The following EYA4 variants were observed in gnomAD, a reference collection of about 807,000 sequenced individuals.
EYA4 encodes the protein protein phosphatase EYA4.
A neutral mutation model predicts 87.9 loss-of-function variants in EYA4; 31 were observed. The ratio of observed to expected loss-of-function variants is 0.35; its 90% CI spans 0.27 to 0.48. The LOEUF is 0.48. EYA4 is among the 20% of genes least tolerant of loss of function. The pLI is 0.99. For synonymous variants in EYA4, 263 were observed against 270.6 expected, an observed-to-expected ratio of 0.97 and a Z score of 0.28; for missense variants, 678 against 761.4, an observed-to-expected ratio of 0.89 and a Z score of 1.29.
intron 19 of EYA4, among the ~76,000 whole-genome samples, chr6:133,526,434 TAAGAGA>T (rs66840542): frequency 0.17 from 25,519 of 152,026 alleles, 2,750 homozygotes; most frequent in South Asian, 0.3. Flanking sequence ...TTTATGGCTA[TAAGAGA>T]AAGAGAAAGG....
Position 133,528,831 on chromosome 6 carries a change from T to G in EYA4, c.*26T>G, listed in dbSNP as rs750777633. ...CTGTGTTCTTTAGCCGGAGATCCAT[T>G]TTTTATATTTCAAGTACACTGAATT... On this transcript the variant is annotated 3_prime_UTR_variant, in exon 20 of 20. Coordinates refer to ENST00000355286, the MANE Select transcript of EYA4 (RefSeq NM_004100.5). The G allele has an allele frequency of 1.9e-6, 3 of 1,612,582 alleles. No individual in the cohort carries two copies. Among genetic ancestry groups the G allele is most frequent in the Non-Finnish European group, 2.5e-6 (3 of 1,178,894 alleles).
intron 3 of EYA4, among the ~76,000 whole-genome samples, chr6:133,426,950 A>G (rs1005434172): frequency 2.6e-5 from 4 of 152,056 alleles, no homozygotes; most frequent in Non-Finnish European, 5.9e-5. Context: ...CAATGTACAT[A>G]TTTTCTCTCT....
chr6:133,413,780 G>T (rs1789459493), intron 3 of EYA4, among the ~76,000 whole-genome samples: 1 of 152,108 alleles, frequency 6.6e-6, no homozygotes, highest in East Asian at 1.9e-4. Context: ...CCTGCTGACT[G>T]CTGGATATCT....
At chr6:133,479,055 G>A (rs1249552785) in intron 11 of EYA4, among the ~76,000 whole-genome samples, 1 of 152,086 alleles carries the variant, frequency 6.6e-6, no homozygotes, top group Non-Finnish European at 1.5e-5. Context: ...CATCCAAAAT[G>A]TTTTTTAAAT....
chr6:133,408,227 T>G (rs1333331128), intron 3 of EYA4, among the ~76,000 whole-genome samples: 1 of 152,184 alleles, frequency 6.6e-6, no homozygotes, highest in East Asian at 1.9e-4. Flanking sequence ...GGGGAATACC[T>G]GGCTGAAGGT....
At chr6:133,493,873 A>G (rs999942694) in intron 13 of EYA4, among the ~76,000 whole-genome samples, 2 of 152,242 alleles carry the variant, frequency 1.3e-5, no homozygotes, top group Admixed American at 1.3e-4. Context: ...ACTCAAAACT[A>G]CAATGAGATA....
chr6:133,500,741 G>A (rs762455820), intron 13 of EYA4, among the ~76,000 whole-genome samples: 5 of 151,820 alleles, frequency 3.3e-5, no homozygotes, highest in Non-Finnish European at 5.9e-5. Flanking sequence ...GACTTCTTTC[G>A]CTAAGCCACC....
intron 13 of EYA4, among the ~76,000 whole-genome samples, chr6:133,491,675 G>A (rs543792755): frequency 1.4e-4 from 21 of 152,190 alleles, no homozygotes; most frequent in Non-Finnish European, 2.1e-4. Context: ...CAGCAGGCCC[G>A]GCGCAGTGGG....
chr6:133,463,769 G>A (rs886868229), intron 9 of EYA4, among the ~76,000 whole-genome samples: 2 of 152,092 alleles, frequency 1.3e-5, no homozygotes, highest in Non-Finnish European at 2.9e-5. Context: ...TCACAAATTT[G>A]GGGCTATATT....
chr6:133,462,821 A>C, intron 9 of EYA4, 57 bp downstream of exon 9: 3 of 1,502,154 alleles, frequency 2.0e-6, no homozygotes, highest in Non-Finnish European at 2.8e-6. Flanking sequence ...AGTGAGACTC[A>C]TTGGCTTCAG....
At chr6:133,490,980 T>G (rs549271568) in intron 13 of EYA4, among the ~76,000 whole-genome samples, 1 of 152,068 alleles carries the variant, frequency 6.6e-6, no homozygotes, top group South Asian at 2.1e-4. Flanking sequence ...TCTTTAAAAA[T>G]TAAAAAAAAT....
At chr6:133,405,039 T>G (rs936311808) in intron 3 of EYA4, among the ~76,000 whole-genome samples, 1 of 152,142 alleles carries the variant, frequency 6.6e-6, no homozygotes, top group Admixed American at 6.5e-5. Flanking sequence ...TTTTCTCACT[T>G]AAGAGCCTGC....
intron 9 of EYA4, 21 bp from the exon 10 acceptor site, chr6:133,464,758 C>A (rs373397019): frequency 2.1e-5 from 30 of 1,413,946 alleles, no homozygotes; most frequent in Non-Finnish European, 3.0e-5. Context: ...TTTTAAAATG[C>A]AATTTGTTTT....
intron 1 of EYA4, among the ~76,000 whole-genome samples, chr6:133,243,036 A>G (rs1774093586): frequency 6.6e-6 from 1 of 151,646 alleles, no homozygotes; most frequent in African/African-American, 2.4e-5. Flanking sequence ...AAGGTGCAGA[A>G]TAGCGCCCGG....
chr6:133,484,004 C>T (rs1317789948), intron 13 of EYA4, among the ~76,000 whole-genome samples: 14 of 152,232 alleles, frequency 9.2e-5, no homozygotes, highest in Admixed American at 8.5e-4. Context: ...GGATTACAGG[C>T]GTGAGCCACC....
At chr6:133,266,625 A>G (rs1464686548) in intron 1 of EYA4, among the ~76,000 whole-genome samples, 1 of 152,162 alleles carries the variant, frequency 6.6e-6, no homozygotes, top group Non-Finnish European at 1.5e-5. Context: ...TGCCTGGTAG[A>G]CTAATTATCA....
In EYA4 at chr6:133,404,800, AC is replaced by A. The variant is rs527945753; in HGVS notation, c.83+22362del. Among the ~76,000 whole-genome samples, 16 of 152,232 alleles carry A rather than the reference AC, an allele frequency of 1.1e-4. No individual in the cohort carries two copies. In the East Asian group the frequency reaches 3.1e-3, roughly 29 times the overall value. On this transcript the variant is annotated intron_variant, in intron 3 of 19. Transcript: ENST00000355286. ...TGTTCACGTGTAGCCCTGCCTCATC[AC>A]CCACCTTAAAGTGGATTGCTTGTAT...
intron 2 of EYA4, among the ~76,000 whole-genome samples, chr6:133,341,085 T>C (rs1392155481): frequency 6.6e-6 from 1 of 152,188 alleles, no homozygotes; most frequent in Non-Finnish European, 1.5e-5. Context: ...ACCCTGGACA[T>C]GAACCCTGGG....
intron 13 of EYA4, among the ~76,000 whole-genome samples, chr6:133,498,172 A>G (rs2128743537): frequency 6.6e-6 from 1 of 152,310 alleles, no homozygotes; most frequent in South Asian, 2.1e-4. Flanking sequence ...AAGTAATAGA[A>G]TTAATCAAGT....
Sources: gnomAD v4.1 joint callset for allele counts (sites outside exome capture counted in the v4.1 genomes callset) on GRCh38, gnomAD v4.1.1 for gene constraint, MANE v1.5 for transcripts, NCBI Gene and HGNC (gene_info 2026-07-23, HGNC 2026-07-21) for gene names.